The following TBC1D4 variants were observed in gnomAD, a reference collection of about 807,000 sequenced individuals.
TBC1D4 encodes TBC1 domain family member 4.
TBC1D4 carries 121 observed loss-of-function variants against 142.5 expected under a neutral mutation model. The observed-to-expected ratio is 0.85, with a 90% CI of 0.73 to 0.99. The LOEUF is 0.99. TBC1D4 is among the 50% of genes least tolerant of loss of function. The pLI, the probability that TBC1D4 is intolerant of heterozygous loss-of-function variation, is 0.00. For missense variants in TBC1D4, 1,475 were observed against 1,606.6 expected, an observed-to-expected ratio of 0.92 and a Z score of 1.40; for synonymous variants, 630 against 628.2, an observed-to-expected ratio of 1.00 and a Z score of -0.04.
rs1883718060 is a variant in TBC1D4, at chr13:75,379,885, C to CTTTTTTTTTTTTTTTTTTTTT, written c.499-17279_499-17278insAAAAAAAAAAAAAAAAAAAAA. ...AAGTATATCAGTTTTGTTCATCTGA[C>CTTTTTTTTTTTTTTTTTTTTT]TCTTTTTTTTTTTTTTTTTTTTTTT... On this transcript the variant is annotated intron_variant, in intron 1 of 20. Transcript: ENST00000377636. 2.0e-5 allele frequency among the ~76,000 whole-genome samples: 2 copies of CTTTTTTTTTTTTTTTTTTTTT among 98,534 alleles called. 1 individual carries two copies. 64.6% of individuals were successfully genotyped at this position (98,534 alleles called of 152,430 possible). A position where few individuals can be genotyped will look rare whatever the true frequency, so the allele number is the denominator to read the frequency against.
chr13:75,329,485 C>T (rs1158924884), intron 8 of TBC1D4, among the ~76,000 whole-genome samples: 1 of 150,288 alleles, frequency 6.7e-6, no homozygotes, highest in Non-Finnish European at 1.5e-5. Context: ...ATTATGGAGA[C>T]CTCTGTGTTT....
chr13:75,369,519 A>ACACACACACC (rs1368633022), intron 1 of TBC1D4, among the ~76,000 whole-genome samples: 10 of 139,174 alleles, frequency 7.2e-5, no homozygotes, highest in African/African-American at 2.5e-4. Flanking sequence ...ACACACACAC[A>ACACACACACC]CACACAATCA....
At chr13:75,351,543 A>G (rs1205834097) in intron 4 of TBC1D4, among the ~76,000 whole-genome samples, 1 of 151,372 alleles carries the variant, frequency 6.6e-6, no homozygotes, top group Non-Finnish European at 1.5e-5. Flanking sequence ...AGCATTAGGT[A>G]TATCTCCTAA....
chr13:75,441,463 A>G (rs1403125890), intron 1 of TBC1D4, among the ~76,000 whole-genome samples: 1 of 152,174 alleles, frequency 6.6e-6, no homozygotes, highest in African/African-American at 2.4e-5. Context: ...TATCTAATCA[A>G]TCTCGAAAAA....
intron 1 of TBC1D4, among the ~76,000 whole-genome samples, chr13:75,385,413 A>G (rs1884107978): frequency 6.6e-6 from 1 of 152,218 alleles, no homozygotes; most frequent in Non-Finnish European, 1.5e-5. Flanking sequence ...ACCCTCCTAG[A>G]TCACAATACT....
chr13:75,481,991 CGGCA>C lies in TBC1D4; in HGVS notation c.-228_-225del. 1 of 526,484 alleles carries C rather than the reference CGGCA, an allele frequency of 1.9e-6. No homozygotes were observed. The highest frequency in any genetic ancestry group is 2.9e-6 in the Non-Finnish European group (1 of 342,512). 32.6% of individuals were successfully genotyped at this position (526,484 alleles called of 1,614,324 possible). A position where few individuals can be genotyped will look rare whatever the true frequency, so the allele number is the denominator to read the frequency against. On this transcript the variant is annotated 5_prime_UTR_variant, in exon 1 of 21. Transcript: ENST00000377636. ...GGCGGCGGGCACCGAGGCAAGCGCC[CGGCA>C]GGCGAGGGCGGGTTAAATGGGCATC...
At chr13:75,426,304 T>A (rs1158987490) in intron 1 of TBC1D4, among the ~76,000 whole-genome samples, 7 of 152,152 alleles carry the variant, frequency 4.6e-5, no homozygotes, top group African/African-American at 1.7e-4. Context: ...GGGGAGGATG[T>A]GTAGAAAAGG....
intron 8 of TBC1D4, among the ~76,000 whole-genome samples, chr13:75,332,033 A>G (rs1485750406): frequency 6.6e-6 from 1 of 152,176 alleles, no homozygotes; most frequent in Non-Finnish European, 1.5e-5. Flanking sequence ...AAGCTACAGT[A>G]TCCACCTTGA....
At chr13:75,444,963 T>C (rs1481625010) in intron 1 of TBC1D4, among the ~76,000 whole-genome samples, 1 of 152,178 alleles carries the variant, frequency 6.6e-6, no homozygotes, top group African/African-American at 2.4e-5. Context: ...TCATTTACCC[T>C]CATAAAATCT....
intron 1 of TBC1D4, among the ~76,000 whole-genome samples, chr13:75,431,303 G>A (rs1025828383): frequency 6.6e-6 from 1 of 152,146 alleles, no homozygotes; most frequent in Admixed American, 6.5e-5. Context: ...TCCATAACCT[G>A]TCAAGTATAT....
At chr13:75,338,551 TCTC>T (rs747743248) in intron 7 of TBC1D4, among the ~76,000 whole-genome samples, 1 of 152,066 alleles carries the variant, frequency 6.6e-6, no homozygotes, top group Non-Finnish European at 1.5e-5. Context: ...ATTGTTAAAA[TCTC>T]CTCCTGTATG....
At position 75,310,134 on chromosome 13, in the gene TBC1D4, C is replaced by T. The variant is rs769539127; in HGVS notation, c.2401G>A (p.Glu801Lys). ...GAGAGGGGGGACAGTGGCAGCAGCTCGTTCCTGTCCAATCCATCTGCAGAG... is the reference window on the plus strand; with the variant it reads ...GAGAGGGGGGACAGTGGCAGCAGCTTGTTCCTGTCCAATCCATCTGCAGAG... ...MQQQDGLDRN[E>K]LLPLSPLSPT... Residue 801 changes from glutamate (E) to lysine (K), a missense_variant, in exon 14 of 21, where the codon GAG becomes AAG. By Grantham distance (56) the Glu-to-Lys change is moderately conservative (BLOSUM62 1). Transcript: ENST00000377636. 19 of 1,613,760 alleles carry T rather than the reference C, an allele frequency of 1.2e-5. No individual in the cohort carries two copies. Among genetic ancestry groups the T allele is most frequent in the African/African-American group, 2.7e-5 (2 of 75,040 alleles).
intron 1 of TBC1D4, among the ~76,000 whole-genome samples, chr13:75,436,657 CA>C (rs111561619): frequency 6.6e-4 from 76 of 115,400 alleles, no homozygotes; most frequent in Admixed American, 9.1e-4. Flanking sequence ...ACCCTGTCTC[CA>C]AAAAAAAAAA....
chr13:75,325,879 G>A (rs1879191345), intron 10 of TBC1D4, among the ~76,000 whole-genome samples: 1 of 152,078 alleles, frequency 6.6e-6, no homozygotes, highest in South Asian at 2.1e-4. Flanking sequence ...TGTTTCTCTA[G>A]AATCATCATC....
intron 4 of TBC1D4, among the ~76,000 whole-genome samples, 164 bp from the exon 5 acceptor site, chr13:75,349,466 C>T (rs927787960): frequency 1.3e-5 from 2 of 152,140 alleles, no homozygotes; most frequent in South Asian, 4.2e-4. Flanking sequence ...TGGAGTTAGA[C>T]GTTTCATACA....
chr13:75,411,834 A>T (rs1040677400), intron 1 of TBC1D4, among the ~76,000 whole-genome samples: 1 of 151,952 alleles, frequency 6.6e-6, no homozygotes, highest in African/African-American at 2.4e-5. Context: ...CACCATGCCC[A>T]GCCCACGGAT....
intron 1 of TBC1D4, among the ~76,000 whole-genome samples, chr13:75,434,029 C>A (rs939171661): frequency 2.0e-5 from 3 of 152,090 alleles, no homozygotes; most frequent in Non-Finnish European, 2.9e-5. Context: ...GGTGAGGTTG[C>A]AGAGAAAAGG....
chr13:75,397,244 A>G (rs1884842377), intron 1 of TBC1D4, among the ~76,000 whole-genome samples: 2 of 152,240 alleles, frequency 1.3e-5, no homozygotes, highest in South Asian at 4.1e-4. Flanking sequence ...GAATATTTAC[A>G]CAGTCATATT....
chr13:75,462,543 G>A (rs1888014223), intron 1 of TBC1D4, among the ~76,000 whole-genome samples: 1 of 146,120 alleles, frequency 6.8e-6, no homozygotes. Context: ...AGGGAAAAAG[G>A]AAAAAAAAAA....
Sources: allele counts gnomAD v4.1 joint callset (sites outside exome capture counted in the v4.1 genomes callset), GRCh38; gene constraint gnomAD v4.1.1; transcripts MANE v1.5; gene names NCBI Gene and HGNC (gene_info 2026-07-23, HGNC 2026-07-21).